The following TMEM217 variants were observed in gnomAD, a reference collection of about 807,000 sequenced individuals.
TMEM217 encodes the protein transmembrane protein 217.
For missense variants in TMEM217, 204 were observed against 248.8 expected (o/e 0.82, Z 1.21); for synonymous variants, 76 against 88.3 (o/e 0.86, Z 0.78).
downstream of TMEM217, chr6:37,215,149 C>A: frequency 6.2e-7 from 1 of 1,603,478 alleles, no homozygotes; most frequent in Non-Finnish European, 8.5e-7. Context: ...ACTTCCCTTT[C>A]TGCCGCTAGC....
intron 1 of TMEM217, among the ~76,000 whole-genome samples, chr6:37,255,683 CAA>C (rs56891432): frequency 2.3e-4 from 24 of 102,344 alleles, no homozygotes; most frequent in Admixed American, 4.1e-4. Flanking sequence ...GACCTGGTCT[CAA>C]AAAAAAAAAA....
intron 1 of TMEM217, among the ~76,000 whole-genome samples, chr6:37,229,335 G>GCTT (rs762059062): frequency 1.3e-5 from 1 of 74,368 alleles, no homozygotes; most frequent in African/African-American, 5.3e-5. Context: ...GCAACTTTCA[G>GCTT]TTTTTTTTTT....
chr6:37,252,783 T>C (rs1223272857), intron 1 of TMEM217, among the ~76,000 whole-genome samples: 7 of 151,180 alleles, frequency 4.6e-5, no homozygotes, highest in Admixed American at 4.0e-4. Flanking sequence ...GGACCACAGG[T>C]GTGTGCCACC....
chr6:37,212,360 G>GTTCC, exon 4 of TMEM217: 1 of 368,824 alleles, frequency 2.7e-6, no homozygotes, highest in Non-Finnish European at 5.4e-6. Flanking sequence ...GGTAGGGAGG[G>GTTCC]TTCCATTGTT....
intron 1 of TMEM217, among the ~76,000 whole-genome samples, chr6:37,224,796 G>A (rs145578663): frequency 6.6e-4 from 100 of 152,064 alleles, no homozygotes; most frequent in African/African-American, 2.4e-3. Context: ...ACAGTATGAT[G>A]ATAACCTTTT....
chr6:37,230,367 G>C (rs895792800), intron 1 of TMEM217, among the ~76,000 whole-genome samples: 1 of 152,216 alleles, frequency 6.6e-6, no homozygotes, highest in Non-Finnish European at 1.5e-5. Flanking sequence ...CATAAGGGCT[G>C]TTATGGGCTG....
At chr6:37,226,230 C>T (rs1390688230) in intron 1 of TMEM217, among the ~76,000 whole-genome samples, 4 of 151,492 alleles carry the variant, frequency 2.6e-5, no homozygotes, top group African/African-American at 9.7e-5. Flanking sequence ...CTCAAGATCA[C>T]CATTCTCTTT....
intron 1 of TMEM217, among the ~76,000 whole-genome samples, chr6:37,251,366 T>C (rs1310468418): frequency 6.6e-6 from 1 of 152,116 alleles, no homozygotes; most frequent in African/African-American, 2.4e-5. Flanking sequence ...GAAACTATAA[T>C]TTGAAAAAAA....
At chr6:37,248,878 G>A (rs142436133) in intron 1 of TMEM217, among the ~76,000 whole-genome samples, 1,813 of 152,260 alleles carry the variant, frequency 0.012, 32 homozygotes, top group Middle Eastern at 0.044. Context: ...TTAAGGTTCT[G>A]GAGGCTAGAA....
At chr6:37,250,956 G>A (rs553142701) in intron 1 of TMEM217, among the ~76,000 whole-genome samples, 1 of 152,364 alleles carries the variant, frequency 6.6e-6, no homozygotes, top group South Asian at 2.1e-4. Flanking sequence ...ACGCGGTAAG[G>A]TATTTGGGAG....
chr6:37,215,398 A>G, downstream of TMEM217: 13 of 1,252,040 alleles, frequency 1.0e-5, no homozygotes, highest in Non-Finnish European at 1.3e-5. Context: ...AACATGGTGA[A>G]ACCCCATCTC....
intron 1 of TMEM217, among the ~76,000 whole-genome samples, chr6:37,245,746 A>G (rs1765032306): frequency 6.6e-6 from 1 of 151,866 alleles, no homozygotes; most frequent in African/African-American, 2.4e-5. Flanking sequence ...GGAGGAGGAG[A>G]TGGAGGAGGA....
chr6:37,234,502 C>A (rs1353692133), intron 1 of TMEM217, among the ~76,000 whole-genome samples: 1 of 152,086 alleles, frequency 6.6e-6, no homozygotes, highest in African/African-American at 2.4e-5. Flanking sequence ...AAGTTGTAAT[C>A]TTGATATAGC....
chr6:37,218,156 A>C lies in TMEM217; in HGVS notation c.*266T>G, dbSNP rs896439615. 3 of 1,162,764 alleles carry C rather than the reference A, an allele frequency of 2.6e-6. No homozygotes were observed. The Admixed American group carries it at 1.4e-4, about 55-fold the overall frequency. The allele number at this position is 1,162,764 out of a possible 1,614,324, so 72.0% of individuals were successfully genotyped here. A position where few individuals can be genotyped will look rare whatever the true frequency, so the allele number is the denominator to read the frequency against. ...CCAACATGATTGCTTATAGTGGTGG[A>C]TAAAGCTGCTAACTTTTTTTTTTTT... On this transcript the variant is annotated 3_prime_UTR_variant, in exon 2 of 2. Coordinates refer to ENST00000357219, the Ensembl canonical transcript of TMEM217.
chr6:37,256,132 T>C (rs1038723862), intron 1 of TMEM217, among the ~76,000 whole-genome samples: 4 of 152,378 alleles, frequency 2.6e-5, no homozygotes, highest in Middle Eastern at 3.4e-3. Flanking sequence ...TAAAGCCATG[T>C]GCATAAGCTG....
intron 1 of TMEM217, among the ~76,000 whole-genome samples, chr6:37,240,245 G>A (rs73417868): frequency 0.068 from 10,377 of 152,254 alleles, 1,149 homozygotes; most frequent in African/African-American, 0.23. Context: ...TAGCGTAGGT[G>A]GGTGGTTCTG....
At chr6:37,212,625 G>C (rs780714053) in exon 4 of TMEM217, 1 of 514,948 alleles carries the variant, frequency 1.9e-6, no homozygotes, top group South Asian at 1.5e-5. Context: ...TCAGCGTCTT[G>C]AAGTGATCTT....
chr6:37,222,660 A>G (rs1763595725), intron 1 of TMEM217, among the ~76,000 whole-genome samples: 1 of 152,156 alleles, frequency 6.6e-6, no homozygotes. Flanking sequence ...CTCCTCCAAG[A>G]GCACAGGGAG....
At chr6:37,245,876 C>T (rs536156298) in intron 1 of TMEM217, among the ~76,000 whole-genome samples, 8 of 151,814 alleles carry the variant, frequency 5.3e-5, no homozygotes, top group Non-Finnish European at 1.0e-4. Flanking sequence ...TTTGGCTCAC[C>T]GCAACCTCTG....
Sources: allele counts gnomAD v4.1 joint callset (sites outside exome capture counted in the v4.1 genomes callset), GRCh38; gene constraint gnomAD v4.1.1; transcripts MANE v1.5; gene names NCBI Gene and HGNC (gene_info 2026-07-23, HGNC 2026-07-21).